Variants in GRM8 observed in about 807,000 individuals in gnomAD.
GRM8 encodes the protein glutamate metabotropic receptor 8.
Under a neutral mutation model 87.2 loss-of-function variants are expected in GRM8, and 47 were observed. The ratio of observed to expected loss-of-function variants is 0.54; its 90% confidence interval spans 0.43 to 0.69. The LOEUF is 0.69. Ranked by LOEUF, GRM8 falls within the 30% of genes least tolerant of loss-of-function variation. The probability of loss-of-function intolerance (pLI) is 0.00; values close to 1 mark genes in which losing one functional copy is unlikely to be tolerated. For missense variants in GRM8, 1,019 were observed against 1,139.2 expected (o/e 0.89, Z 1.52); for synonymous variants, 396 against 404.5 (o/e 0.98, Z 0.25).
chr7:126,857,000 G>A (rs533827346), intron 6 of GRM8, among the ~76,000 whole-genome samples: 1 of 152,300 alleles, frequency 6.6e-6, no homozygotes, highest in South Asian at 2.1e-4. Flanking sequence ...TAATGATAAA[G>A]AAGTTCTTTG....
At chr7:127,209,455 C>A (rs1385856585) in intron 2 of GRM8, among the ~76,000 whole-genome samples, 2 of 152,174 alleles carry the variant, frequency 1.3e-5, no homozygotes, top group East Asian at 3.9e-4. Flanking sequence ...TCCAGCAGCC[C>A]CTACCTGGTC....
intron 8 of GRM8, among the ~76,000 whole-genome samples, chr7:126,567,841 AG>A (rs1794368907): frequency 6.6e-6 from 1 of 152,128 alleles, no homozygotes; most frequent in Non-Finnish European, 1.5e-5. Flanking sequence ...CTTGCCCATG[AG>A]TCCTCATTCA....
At chr7:127,251,657 G>GGATGCAGCCTCCGCCCCCGC (rs1225470820) in intron 1 of GRM8, among the ~76,000 whole-genome samples, 6 of 151,396 alleles carry the variant, frequency 4.0e-5, no homozygotes, top group Non-Finnish European at 5.9e-5. Flanking sequence ...GGCGCGCTGG[G>GGATGCAGCCTCCGCCCCCGC]GATGCAGCCT....
intron 3 of GRM8, among the ~76,000 whole-genome samples, chr7:127,015,072 A>AAGAAAGAAAGAAGGAG (rs757484218): frequency 3.8e-4 from 39 of 103,876 alleles, no homozygotes; most frequent in Admixed American, 6.6e-4. Flanking sequence ...AAGAAGAAAG[A>AAGAAAGAAAGAAGGAG]AAGAAGGAGA....
chr7:127,057,489 C>T (rs919320667), intron 3 of GRM8, among the ~76,000 whole-genome samples: 3 of 152,082 alleles, frequency 2.0e-5, no homozygotes, highest in African/African-American at 7.2e-5. Flanking sequence ...GCATCCTCAT[C>T]ATTTTAAAGA....
chr7:127,234,305 G>T (rs563491381), intron 2 of GRM8, among the ~76,000 whole-genome samples: 1 of 152,292 alleles, frequency 6.6e-6, no homozygotes, highest in Admixed American at 6.5e-5. Flanking sequence ...GTAAAAATGT[G>T]TAAAATGGTA....
intron 1 of GRM8, among the ~76,000 whole-genome samples, chr7:127,246,289 G>C (rs1012929872): frequency 1.3e-5 from 2 of 152,202 alleles, no homozygotes; most frequent in Non-Finnish European, 2.9e-5. Flanking sequence ...AGTGGAGTCT[G>C]TGAGTTTTAA....
intron 9 of GRM8, among the ~76,000 whole-genome samples, chr7:126,493,243 G>A (rs1395837399): frequency 6.6e-6 from 1 of 152,052 alleles, no homozygotes; most frequent in East Asian, 1.9e-4. Context: ...GCAGGGCTAT[G>A]TTACAAAATG....
At chr7:126,502,201 C>T (rs1360271182) in intron 9 of GRM8, among the ~76,000 whole-genome samples, 2 of 152,084 alleles carry the variant, frequency 1.3e-5, no homozygotes, top group East Asian at 3.9e-4. Context: ...TTAGTGATCA[C>T]TTGAGAATGG....
intron 9 of GRM8, among the ~76,000 whole-genome samples, chr7:126,525,220 G>A (rs1392786491): frequency 6.6e-6 from 1 of 152,176 alleles, no homozygotes; most frequent in African/African-American, 2.4e-5. Context: ...ATATTGGCAA[G>A]CAAGCAGCCT....
intron 6 of GRM8, among the ~76,000 whole-genome samples, chr7:126,816,183 C>T (rs948179950): frequency 1.3e-5 from 2 of 152,062 alleles, no homozygotes; most frequent in Admixed American, 6.6e-5. Context: ...AAACCAAACA[C>T]GTAAGATGCC....
chr7:126,561,840 T>A (rs1039565826), intron 8 of GRM8, among the ~76,000 whole-genome samples: 1 of 116,052 alleles, frequency 8.6e-6, no homozygotes, highest in Non-Finnish European at 1.8e-5. Context: ...TGTGTTCTCA[T>A]TGTTCAATTC....
At chr7:126,811,278 G>C (rs968373129) in intron 6 of GRM8, among the ~76,000 whole-genome samples, 1 of 151,784 alleles carries the variant, frequency 6.6e-6, no homozygotes, top group African/African-American at 2.4e-5. Flanking sequence ...TAGCTTTGTA[G>C]TATAATTTGA....
Position 126,533,646 on chromosome 7 carries a change from C to A in GRM8, c.1736G>T (p.Trp579Leu), listed in dbSNP as rs1215271060. ...AGGCACCACAGCCCAGGGAGAATGC[C>A]ACTCCAATTTGATGATGGGGATAAG... is the stretch of plus-strand genomic sequence containing the variant. ...CQLIPIIKLEWHSPWAVVPVF... is the reference protein window; with the variant it reads ...CQLIPIIKLELHSPWAVVPVF... Residue 579 changes from tryptophan to leucine, a missense_variant, in exon 9 of 11, where the codon TGG becomes TTG. Trp to Leu is a moderately conservative substitution (Grantham distance 61, BLOSUM62 -2). Transcript: ENST00000339582. 1.2e-6 allele frequency: 2 copies of A among 1,613,870 alleles called. No homozygotes were observed. The highest frequency in any genetic ancestry group is 3.3e-5 in the Admixed American group (2 of 59,986).
At chr7:126,830,359 T>C (rs1195658449) in intron 6 of GRM8, among the ~76,000 whole-genome samples, 1 of 152,220 alleles carries the variant, frequency 6.6e-6, no homozygotes, top group Non-Finnish European at 1.5e-5. Context: ...GCAGATTTGG[T>C]CTTTTCACAT....
At chr7:126,775,390 G>T (rs535327734) in intron 6 of GRM8, among the ~76,000 whole-genome samples, 11 of 150,418 alleles carry the variant, frequency 7.3e-5, no homozygotes, top group Non-Finnish European at 1.6e-4. Context: ...TATTGTTACT[G>T]CATAGTGCAG....
intron 9 of GRM8, among the ~76,000 whole-genome samples, chr7:126,485,980 T>C (rs984531315): frequency 6.6e-6 from 1 of 152,056 alleles, no homozygotes; most frequent in Non-Finnish European, 1.5e-5. Context: ...TTAAGTCACG[T>C]ACCTCTACAC....
chr7:126,985,443 A>G (rs1463623371), intron 3 of GRM8, among the ~76,000 whole-genome samples: 1 of 152,238 alleles, frequency 6.6e-6, no homozygotes, highest in Admixed American at 6.5e-5. Context: ...ATGTATTTTA[A>G]AGATCTGAGA....
intron 7 of GRM8, among the ~76,000 whole-genome samples, chr7:126,673,727 T>A (rs1043721172): frequency 1.3e-5 from 2 of 152,194 alleles, no homozygotes; most frequent in African/African-American, 4.8e-5. Flanking sequence ...TTGAGTGTTT[T>A]AATCCCTCCT....
Sources: gnomAD v4.1 joint callset for allele counts (sites outside exome capture counted in the v4.1 genomes callset) on GRCh38, gnomAD v4.1.1 for gene constraint, MANE v1.5 for transcripts, NCBI Gene and HGNC (gene_info 2026-07-23, HGNC 2026-07-21) for gene names.